The following ADAM12 variants were observed in gnomAD, a reference collection of about 807,000 sequenced individuals.
ADAM12 encodes the protein disintegrin and metalloproteinase domain-containing protein 12.
A neutral mutation model predicts 106.4 loss-of-function variants in ADAM12; 70 were observed. The observed-to-expected ratio is 0.66, with a 90% confidence interval of 0.54 to 0.80. ADAM12 has a LOEUF of 0.80. Among genes scored for constraint, ADAM12 ranks in the 30% least tolerant of loss-of-function variants. The probability of loss-of-function intolerance (pLI) is 0.00; values close to 1 mark genes in which losing one functional copy is unlikely to be tolerated. For missense variants in ADAM12, 1,010 were observed against 1,171.9 expected, an observed-to-expected ratio of 0.86 and a Z score of 2.02; for synonymous variants, 420 against 433.5, an observed-to-expected ratio of 0.97 and a Z score of 0.39.
chr10:126,143,680 A>G (rs1956569614), intron 4 of ADAM12, among the ~76,000 whole-genome samples: 1 of 148,580 alleles, frequency 6.7e-6, no homozygotes, highest in African/African-American at 2.5e-5. Context: ...ATGTATGTGC[A>G]TATATGGGTG....
chr10:126,117,928 C>G (rs990942743), intron 6 of ADAM12, 110 bp downstream of exon 6: 11 of 1,266,322 alleles, frequency 8.7e-6, no homozygotes, highest in Non-Finnish European at 1.1e-5. Flanking sequence ...TTCCATCCCC[C>G]AGATGCCGCA....
Position 126,245,014 on chromosome 10 carries a change from G to A in ADAM12, c.260+33901C>T, listed in dbSNP as rs1018829256. Among the ~76,000 whole-genome samples the A allele has an allele frequency of 2.0e-5, 3 of 152,176 alleles. No homozygotes were observed. The South Asian group carries it at 6.2e-4, about 31-fold the overall frequency. On this transcript the variant is annotated intron_variant, in intron 3 of 22. Coordinates refer to ENST00000448723, the MANE Select transcript of ADAM12 (RefSeq NM_001288973.2). The stretch of plus-strand genomic sequence containing the variant: ...AGTAGGGTACATGATCAGGGGAGGG[G>A]CTTGCACCAAGGAGAAGGAAGATGG...
intron 19 of ADAM12, 125 bp downstream of exon 19, chr10:126,039,169 G>T: frequency 3.4e-6 from 4 of 1,168,408 alleles, no homozygotes; most frequent in South Asian, 2.9e-5. Context: ...CCGTGGTCTC[G>T]ATCTCCTGAC....
intron 14 of ADAM12, among the ~76,000 whole-genome samples, chr10:126,052,836 A>G (rs1954539111): frequency 6.6e-6 from 1 of 152,230 alleles, no homozygotes; most frequent in Admixed American, 6.5e-5. Flanking sequence ...CAAGTATAAA[A>G]GCATTCTGGA....
At chr10:126,232,881 G>A (rs982256554) in intron 3 of ADAM12, among the ~76,000 whole-genome samples, 1 of 152,176 alleles carries the variant, frequency 6.6e-6, no homozygotes, top group Admixed American at 6.5e-5. Flanking sequence ...AAATTCCACA[G>A]GATGGGGACA....
chr10:126,036,269 G>A lies in ADAM12; in HGVS notation c.2406C>T (p.Asn802=), dbSNP rs371571003. Residue 802 remains asparagine, a synonymous_variant, in exon 21 of 23, where the codon AAC becomes AAT. Coordinates refer to ENST00000448723, the MANE Select transcript of ADAM12 (RefSeq NM_001288973.2). ...ACTGGGGCTGAGGGACATTCAGGCCGTTGAGGGGTCTGCTGATGTCAACAT... is the reference window on the plus strand; with the variant it reads ...ACTGGGGCTGAGGGACATTCAGGCCATTGAGGGGTCTGCTGATGTCAACAT... ...CQNVDISRPL[N]GLNVPQPQST... 1.9e-5 allele frequency: 29 copies of A among 1,563,046 alleles called. No homozygotes were observed. The highest frequency in any genetic ancestry group is 2.4e-5 in the East Asian group (1 of 41,042).
chr10:126,165,733 T>A (rs1266708080), intron 3 of ADAM12, among the ~76,000 whole-genome samples: 1 of 152,086 alleles, frequency 6.6e-6, no homozygotes, highest in Non-Finnish European at 1.5e-5. Context: ...CAAACCAAAT[T>A]CCGTATTTTT....
intron 7 of ADAM12, 106 bp from the exon 8 acceptor site, chr10:126,108,770 G>A (rs1476453838): frequency 2.0e-6 from 2 of 1,010,376 alleles, no homozygotes; most frequent in Admixed American, 3.9e-5. Context: ...AAACCACTGG[G>A]GACCCTCCAC....
chr10:126,224,745 G>A (rs1001996506), intron 3 of ADAM12, among the ~76,000 whole-genome samples: 2 of 152,206 alleles, frequency 1.3e-5, no homozygotes, highest in African/African-American at 4.8e-5. Flanking sequence ...CCACTGTCAC[G>A]ATGTCAGGTC....
At chr10:126,143,450 G>A (rs1416972209) in intron 4 of ADAM12, among the ~76,000 whole-genome samples, 2 of 149,348 alleles carry the variant, frequency 1.3e-5, no homozygotes, top group African/African-American at 5.0e-5. Context: ...TATATGGTGT[G>A]CATGTGTGTG....
intron 1 of ADAM12, among the ~76,000 whole-genome samples, chr10:126,334,504 G>A (rs1251447831): frequency 2.6e-5 from 4 of 152,112 alleles, no homozygotes; most frequent in South Asian, 2.1e-4. Context: ...CATCAGTTGT[G>A]CTTTCCCATG....
At chr10:126,084,488 G>A (rs1955297575) in intron 11 of ADAM12, among the ~76,000 whole-genome samples, 1 of 152,158 alleles carries the variant, frequency 6.6e-6, no homozygotes, top group Admixed American at 6.5e-5. Flanking sequence ...ATGGACAGTG[G>A]GCATGTCTGA....
intron 3 of ADAM12, among the ~76,000 whole-genome samples, chr10:126,177,111 C>CTGTACA (rs1263477161): frequency 6.6e-6 from 1 of 152,030 alleles, no homozygotes; most frequent in African/African-American, 2.4e-5. Context: ...TCATTTATGG[C>CTGTACA]TGTACATGGC....
At chr10:126,247,546 G>A (rs111639007) in intron 3 of ADAM12, among the ~76,000 whole-genome samples, 5,311 of 152,222 alleles carry the variant, frequency 0.035, 353 homozygotes, top group African/African-American at 0.12. Context: ...CCCAGCGCCC[G>A]GCTCAGTCCT....
intron 3 of ADAM12, among the ~76,000 whole-genome samples, chr10:126,267,780 A>G (rs1348128657): frequency 1.3e-5 from 2 of 148,494 alleles, no homozygotes; most frequent in Admixed American, 6.9e-5. Context: ...ATGGAGCTGG[A>G]GGATTGTGAT....
chr10:126,250,168 C>A (rs1958717277), intron 3 of ADAM12, among the ~76,000 whole-genome samples: 1 of 152,190 alleles, frequency 6.6e-6, no homozygotes, highest in Admixed American at 6.5e-5. Flanking sequence ...CATGAGGTTT[C>A]TTCCCCCAGC....
chr10:126,042,753 T>C (rs1488668309), intron 18 of ADAM12, among the ~76,000 whole-genome samples: 1 of 152,160 alleles, frequency 6.6e-6, no homozygotes, highest in Non-Finnish European at 1.5e-5. Context: ...TCATACCCAT[T>C]CAGCAGTTCA....
At position 126,015,357 on chromosome 10, in the gene ADAM12, C is replaced by A. The variant is rs1474622752; in HGVS notation, c.*1922G>T. On this transcript the variant is annotated 3_prime_UTR_variant, in exon 23 of 23. Transcript: ENST00000448723. ...CTAAAAAGACAATGCCCACGTAATG[C>A]ACCATAAAATTCTGTAAACCTTTTT... The A allele has an allele frequency of 6.6e-6, 1 of 152,194 alleles. No individual in the cohort carries two copies. Among genetic ancestry groups the A allele is most frequent in the African/African-American group, 2.4e-5 (1 of 41,450 alleles). The allele number at this position is 152,194 out of a possible 1,614,324, so 9.4% of individuals were successfully genotyped here. A position where few individuals can be genotyped will look rare whatever the true frequency, so the allele number is the denominator to read the frequency against.
chr10:126,044,125 T>C (rs1044266926), intron 17 of ADAM12, among the ~76,000 whole-genome samples: 1 of 152,140 alleles, frequency 6.6e-6, no homozygotes, highest in African/African-American at 2.4e-5. Context: ...ATATTTAATA[T>C]ATTTTTTTCT....
Sources: gnomAD v4.1 joint callset for allele counts (sites outside exome capture counted in the v4.1 genomes callset) on GRCh38, gnomAD v4.1.1 for gene constraint, MANE v1.5 for transcripts, NCBI Gene and HGNC (gene_info 2026-07-23, HGNC 2026-07-21) for gene names.